CEP89: variants seen among roughly 807,000 people sequenced by gnomAD.
CEP89 encodes centrosomal protein of 89 kDa.
CEP89 carries 95 observed loss-of-function variants against 97.6 expected under a neutral mutation model. The ratio of observed to expected loss-of-function variants is 0.97; its 90% CI spans 0.82 to 1.15. The LOEUF is 1.15. Among genes scored for constraint, CEP89 ranks in the 50% most tolerant of loss-of-function variants. CEP89 has a pLI of 0.00. For missense variants in CEP89, 869 were observed against 947.7 expected, an observed-to-expected ratio of 0.92 and a Z score of 1.09; for synonymous variants, 354 against 349.1, an observed-to-expected ratio of 1.01 and a Z score of -0.16.
chr19:32,969,208 G>A (rs2145981241), intron 1 of CEP89: 1 of 152,450 alleles, frequency 6.6e-6, no homozygotes, highest in Non-Finnish European at 1.5e-5. Flanking sequence ...AGAGGGTACT[G>A]CTCTCTGCAG....
At position 32,918,212 on chromosome 19, in the gene CEP89, G is replaced by C. The variant is rs1970169801; in HGVS notation, c.1384+12C>G. The C allele has an allele frequency of 6.3e-7, 1 of 1,586,830 alleles. No homozygotes were observed. On this transcript the variant is annotated intron_variant, in intron 13 of 18. Transcript: ENST00000305768. Reference sequence around the variant, plus strand: ...ATCAATGCATGACCAGTCCTCACTGGAAGGACCTCACCTTCTTGGAGGCGC... The same window carrying C: ...ATCAATGCATGACCAGTCCTCACTGCAAGGACCTCACCTTCTTGGAGGCGC...
intron 14 of CEP89, among the ~76,000 whole-genome samples, chr19:32,903,628 T>C (rs1162579369): frequency 1.3e-5 from 2 of 152,184 alleles, no homozygotes; most frequent in Non-Finnish European, 2.9e-5. Context: ...TGTAGAAGGA[T>C]AGATTTGTGA....
At chr19:32,921,609 C>G (rs889252983) in intron 12 of CEP89, among the ~76,000 whole-genome samples, 1 of 152,210 alleles carries the variant, frequency 6.6e-6, no homozygotes, top group Non-Finnish European at 1.5e-5. Context: ...GAAACGCAGA[C>G]AAGTTGGATT....
chr19:32,953,648 A>G lies in CEP89; in HGVS notation c.459T>C (p.Ser153=), dbSNP rs753654465. 4.3e-6 allele frequency: 7 copies of G among 1,613,978 alleles called. No individual in the cohort carries two copies. The highest frequency in any genetic ancestry group is 5.1e-6 in the Non-Finnish European group (6 of 1,179,996). ...TGTGTGGCACAGCGTACAGGTCATC[A>G]CTGTGGCCTCCTCTGTCCTCCCGGG... The part of the protein sequence containing the change: ...VSAREDRGGH[S]DDLYAVPHRN... Residue 153 remains serine (S), a synonymous_variant, in exon 4 of 19, where the codon AGT becomes AGC. Coordinates refer to ENST00000305768, the MANE Select transcript of CEP89 (RefSeq NM_032816.5).
chr19:32,936,228 C>A lies in CEP89; in HGVS notation c.667+1403G>T, dbSNP rs1970577689. 6.6e-6 allele frequency among the ~76,000 whole-genome samples: 1 copy of A among 152,164 alleles called. No individual in the cohort carries two copies. The highest frequency in any genetic ancestry group is 2.1e-4 in the South Asian group (1 of 4,832). ...AGGCCAAGCCTGGGCACTGTCACAG[C>A]CTGGCTGGGAGTGTGCATACTCAGG... On this transcript the variant is annotated intron_variant, in intron 7 of 18. Transcript: ENST00000305768. The surrounding 1 kb of genome is among the most constrained non-coding windows in gnomAD (Gnocchi z 4.5).
intron 12 of CEP89, among the ~76,000 whole-genome samples, chr19:32,918,878 C>CTTTTCTTT (rs1568559832): frequency 9.0e-6 from 1 of 110,842 alleles, no homozygotes; most frequent in Non-Finnish European, 1.9e-5. Context: ...TTTTCTTTTT[C>CTTTTCTTT]TTTTTCTTTT....
At chr19:32,916,048 G>A (rs775412735) in intron 13 of CEP89, among the ~76,000 whole-genome samples, 5 of 152,132 alleles carry the variant, frequency 3.3e-5, no homozygotes, top group Admixed American at 3.3e-4. Flanking sequence ...GGAGGCTGAG[G>A]GGAGTATTGC....
In CEP89 at chr19:32,926,281, T is replaced by TAA; in HGVS notation, c.1081-9_1081-8insTT. The TAA allele has an allele frequency of 6.3e-7, 1 of 1,593,516 alleles. No homozygotes were observed. Among genetic ancestry groups the TAA allele is most frequent in the Non-Finnish European group, 8.6e-7 (1 of 1,162,126 alleles). Reference sequence around the variant, plus strand: ...CAGGTACTTTATATCCAACTGAAGATAGAGAGTAAAGGAAGGTTAATATAT... The same window carrying TAA: ...CAGGTACTTTATATCCAACTGAAGATAAAGAGAGTAAAGGAAGGTTAATATAT... On this transcript the variant is annotated splice_polypyrimidine_tract_variant and intron_variant, in intron 10 of 18. Transcript: ENST00000305768.
chr19:32,957,252 C>G (rs1568580882), intron 3 of CEP89, among the ~76,000 whole-genome samples: 1 of 152,048 alleles, frequency 6.6e-6, no homozygotes, highest in Non-Finnish European at 1.5e-5. Flanking sequence ...AATTTCTGGG[C>G]TCTGACTGGG....
chr19:32,950,060 G>A (rs1970879075), intron 4 of CEP89, among the ~76,000 whole-genome samples: 1 of 150,122 alleles, frequency 6.7e-6, no homozygotes, highest in Non-Finnish European at 1.5e-5. Context: ...TCACTATGGT[G>A]TCCAGGCCAG....
intron 14 of CEP89, among the ~76,000 whole-genome samples, chr19:32,910,302 G>T (rs202185727): frequency 3.4e-5 from 3 of 89,508 alleles, no homozygotes; most frequent in Non-Finnish European, 6.9e-5. Flanking sequence ...AGAGAGAGAG[G>T]GAGGGAGGGA....
At chr19:32,907,845 C>A (rs2145897117) in intron 14 of CEP89, among the ~76,000 whole-genome samples, 1 of 152,326 alleles carries the variant, frequency 6.6e-6, no homozygotes, top group South Asian at 2.1e-4. Context: ...CCTCGGCCTC[C>A]CAAAGTGCTG....
intron 14 of CEP89, among the ~76,000 whole-genome samples, chr19:32,904,329 G>A (rs779098488): frequency 2.6e-5 from 4 of 152,092 alleles, no homozygotes; most frequent in Admixed American, 6.5e-5. Flanking sequence ...AACGACGCAA[G>A]CCAAAAGACT....
At chr19:32,899,031 A>G (rs917601076) in intron 16 of CEP89, among the ~76,000 whole-genome samples, 37 of 152,206 alleles carry the variant, frequency 2.4e-4, no homozygotes, top group African/African-American at 7.2e-4. Flanking sequence ...TTTAAAATGT[A>G]AAAATATTAT....
At position 32,877,271 on chromosome 19, in the gene CEP89, C is replaced by T. The variant is rs2145860781; in HGVS notation, c.*1891G>A. Reference sequence around the variant, plus strand: ...CCTTCCGTCTGGCAATCAAAGATCACACGTAGAACTTCTACACATGACCAA... The same window carrying T: ...CCTTCCGTCTGGCAATCAAAGATCATACGTAGAACTTCTACACATGACCAA... On this transcript the variant is annotated 3_prime_UTR_variant, in exon 19 of 19. Coordinates refer to ENST00000305768, the MANE Select transcript of CEP89 (RefSeq NM_032816.5). The T allele has an allele frequency of 6.6e-6, 1 of 152,230 alleles. No homozygotes were observed. Among genetic ancestry groups the T allele is most frequent in the East Asian group, 1.9e-4 (1 of 5,192 alleles). 9.4% of individuals were successfully genotyped at this position (152,230 alleles called of 1,614,324 possible).
At chr19:32,907,525 T>C (rs1348347926) in intron 14 of CEP89, among the ~76,000 whole-genome samples, 2 of 151,962 alleles carry the variant, frequency 1.3e-5, no homozygotes, top group African/African-American at 4.8e-5. Context: ...GATATTGGCT[T>C]ACTGCAACCT....
chr19:32,898,360 A>G (rs952099352), intron 16 of CEP89, among the ~76,000 whole-genome samples: 5 of 151,938 alleles, frequency 3.3e-5, no homozygotes, highest in Non-Finnish European at 5.9e-5. Context: ...TTATAATGAT[A>G]GCTACCAGAG....
At position 32,966,422 on chromosome 19, in the gene CEP89, C is replaced by T. The variant is rs150504912; in HGVS notation, c.84G>A (p.Pro28=). The T allele has an allele frequency of 7.7e-6, 12 of 1,562,052 alleles. No individual in the cohort carries two copies. In the African/African-American group the frequency reaches 1.2e-4, roughly 16 times the overall value. ...HGLLPAASVA[P]KAAVPRTPPP... ...GAGGTGTGCGTGGCACAGCTGCCTTCGGAGCAACGCTGGCTGCAGGTAAAA... is the reference window on the plus strand; with the variant it reads ...GAGGTGTGCGTGGCACAGCTGCCTTTGGAGCAACGCTGGCTGCAGGTAAAA... Residue 28 remains proline (P), a synonymous_variant, in exon 2 of 19, where the codon CCG becomes CCA. Transcript: ENST00000305768.
At chr19:32,925,613 T>C (rs10416872) in intron 11 of CEP89, among the ~76,000 whole-genome samples, 66,004 of 150,966 alleles carry the variant, frequency 0.44, 14,786 homozygotes, top group East Asian at 0.65. Context: ...CTCAGCCTCC[T>C]GAGTAGCTGG....
Sources: allele counts gnomAD v4.1 joint callset (sites outside exome capture counted in the v4.1 genomes callset), GRCh38; gene constraint gnomAD v4.1.1; non-coding constraint Gnocchi (gnomAD v3.1); transcripts MANE v1.5; gene names NCBI Gene and HGNC (gene_info 2026-07-23, HGNC 2026-07-21).